CDC14B: variants seen among roughly 807,000 people sequenced by gnomAD.
The protein encoded by CDC14B is dual specificity protein phosphatase CDC14B.
Under a neutral mutation model 64.2 loss-of-function variants are expected in CDC14B, and 22 were observed. The observed-to-expected ratio is 0.34, with a 90% confidence interval of 0.24 to 0.49. The LOEUF is 0.49. Ranked by LOEUF, CDC14B falls within the 20% of genes least tolerant of loss-of-function variation. The pLI is 0.99. For missense variants in CDC14B, 498 were observed against 629.9 expected (o/e 0.79, Z 2.24); for synonymous variants, 191 against 215.8 (o/e 0.89, Z 1.01).
intron 5 of CDC14B, 75 bp downstream of exon 5, chr9:96,551,721 T>C: frequency 6.4e-7 from 1 of 1,565,196 alleles, no homozygotes; most frequent in Non-Finnish European, 8.6e-7. Flanking sequence ...GATCTTCTTT[T>C]TTCAGAAACA....
chr9:96,564,940 A>G, intron 2 of CDC14B, 88 bp from the exon 3 acceptor site: 2 of 776,076 alleles, frequency 2.6e-6, no homozygotes, highest in Non-Finnish European at 4.2e-6. Flanking sequence ...TCAAATTAAG[A>G]TAAGCAAGCA....
intron 1 of CDC14B, among the ~76,000 whole-genome samples, chr9:96,570,185 T>TAC (rs969061692): frequency 7.2e-5 from 11 of 152,262 alleles, no homozygotes; most frequent in African/African-American, 2.7e-4. Flanking sequence ...CCAGGTTGAC[T>TAC]ACCTCTTCCT....
intron 1 of CDC14B, among the ~76,000 whole-genome samples, chr9:96,581,405 G>A (rs1482769651): frequency 1.4e-5 from 2 of 144,014 alleles, no homozygotes; most frequent in African/African-American, 5.9e-5. Flanking sequence ...GGAGGTTGAG[G>A]CCACAGTGTG....
intron 4 of CDC14B, chr9:96,562,426 T>TG (rs902655688): frequency 2.6e-6 from 1 of 392,062 alleles, no homozygotes; most frequent in Admixed American, 4.0e-5. Flanking sequence ...CCAAAGTAGT[T>TG]GGGCACTTTT....
intron 12 of CDC14B, chr9:96,514,602 C>A: frequency 1.0e-6 from 1 of 985,384 alleles, no homozygotes; most frequent in Non-Finnish European, 1.2e-6. Context: ...GAGTTGGTTG[C>A]AATGGAATTT....
chr9:96,516,579 A>G (rs373936801), intron 12 of CDC14B, among the ~76,000 whole-genome samples: 47 of 152,124 alleles, frequency 3.1e-4, no homozygotes, highest in African/African-American at 1.1e-3. Flanking sequence ...TCCCAGGTTC[A>G]AACAATTCTC....
Position 96,515,709 on chromosome 9 carries a change from A to G in CDC14B, c.1344-5920T>C, listed in dbSNP as rs1167890538. On this transcript the variant is annotated intron_variant, in intron 12 of 13. Transcript: ENST00000375241. The surrounding 1 kb of genome is among the most constrained non-coding windows in gnomAD (Gnocchi z 4.3). The stretch of plus-strand genomic sequence containing the variant: ...TGTTCTGAAACCATCGAGACAGAAT[A>G]GCAGGATGGGAAGAATGTAGTCACA... 2 of 1,605,286 alleles carry G rather than the reference A, an allele frequency of 1.2e-6. No individual in the cohort carries two copies. Among genetic ancestry groups the G allele is most frequent in the Non-Finnish European group, 1.7e-6 (2 of 1,176,248 alleles).
intron 3 of CDC14B, 59 bp downstream of exon 3, chr9:96,564,718 C>T (rs1004369666): frequency 2.9e-6 from 3 of 1,021,584 alleles, no homozygotes; most frequent in African/African-American, 3.3e-5. Context: ...GTTTTCCTTA[C>T]TTTCGTCCCC....
intron 1 of CDC14B, among the ~76,000 whole-genome samples, chr9:96,601,997 T>C (rs1271050651): frequency 6.6e-6 from 1 of 151,526 alleles, no homozygotes; most frequent in Non-Finnish European, 1.5e-5. Flanking sequence ...AGGCGGAGCT[T>C]TCAGTGAGCC....
At chr9:96,517,935 G>A (rs963580595) in intron 12 of CDC14B, among the ~76,000 whole-genome samples, 1 of 151,592 alleles carries the variant, frequency 6.6e-6, no homozygotes, top group African/African-American at 2.4e-5. Context: ...AACTCCCAAA[G>A]CACTGGGATT....
chr9:96,513,570 C>T (rs1835207617), intron 12 of CDC14B, among the ~76,000 whole-genome samples: 3 of 152,172 alleles, frequency 2.0e-5, no homozygotes, highest in South Asian at 2.1e-4. Flanking sequence ...CTTGGAGCCT[C>T]GGTACTCTGA....
rs1314981382 is a variant in CDC14B at position 96,619,589 on chromosome 9, C to G, written c.-211G>C. On this transcript the variant is annotated 5_prime_UTR_variant, in exon 1 of 14. Transcript: ENST00000375241. Reference sequence around the variant, plus strand: ...CCACAGCGCCTGCCCCGCTGCCTCCCGCGGCCGCCGCAGGACCGGCGCCGC... The same window carrying G: ...CCACAGCGCCTGCCCCGCTGCCTCCGGCGGCCGCCGCAGGACCGGCGCCGC... The G allele has an allele frequency of 6.7e-6, 1 of 148,444 alleles. No individual in the cohort carries two copies. The highest frequency in any genetic ancestry group is 1.5e-5 in the Non-Finnish European group (1 of 67,722). 9.2% of individuals were successfully genotyped at this position (148,444 alleles called of 1,614,324 possible).
chr9:96,586,786 G>A (rs894290141), intron 1 of CDC14B, among the ~76,000 whole-genome samples: 1 of 152,024 alleles, frequency 6.6e-6, no homozygotes, highest in African/African-American at 2.4e-5. Flanking sequence ...GAAAATTCAT[G>A]GAAATAGGGC....
At chr9:96,606,854 C>T (rs1157169510) in intron 1 of CDC14B, among the ~76,000 whole-genome samples, 1 of 151,946 alleles carries the variant, frequency 6.6e-6, no homozygotes. Flanking sequence ...GCGTGAGCCA[C>T]CGTGCCTGGC....
chr9:96,610,126 CA>C (rs1221494392), intron 1 of CDC14B, among the ~76,000 whole-genome samples: 1 of 152,036 alleles, frequency 6.6e-6, no homozygotes, highest in Non-Finnish European at 1.5e-5. Context: ...CACACCCATT[CA>C]GATTTGTTTT....
At chr9:96,494,147 C>T (rs1364230886) in intron 13 of CDC14B, among the ~76,000 whole-genome samples, 1 of 152,206 alleles carries the variant, frequency 6.6e-6, no homozygotes, top group African/African-American at 2.4e-5. Context: ...TTTCTTGCTA[C>T]CTGGCTACTA....
intron 1 of CDC14B, among the ~76,000 whole-genome samples, chr9:96,605,847 G>C (rs908167808): frequency 1.3e-5 from 2 of 151,232 alleles, no homozygotes; most frequent in Admixed American, 6.6e-5. Flanking sequence ...TGCAACAAGA[G>C]CGAAATTTTG....
chr9:96,567,067 G>A (rs989160556), intron 1 of CDC14B: 5 of 1,037,696 alleles, frequency 4.8e-6, no homozygotes, highest in Middle Eastern at 3.4e-4. Flanking sequence ...CCCACCTCCC[G>A]CTTTCTTTCC....
intron 7 of CDC14B, chr9:96,538,516 T>C (rs1455793248): frequency 1.3e-5 from 2 of 152,432 alleles, no homozygotes; most frequent in African/African-American, 4.8e-5. Context: ...GGCCAGGAGT[T>C]CAACTCTAGC....
Sources: allele counts gnomAD v4.1 joint callset (sites outside exome capture counted in the v4.1 genomes callset), GRCh38; gene constraint gnomAD v4.1.1; non-coding constraint Gnocchi (gnomAD v3.1); transcripts MANE v1.5; gene names NCBI Gene and HGNC (gene_info 2026-07-23, HGNC 2026-07-21).